MCM9: variants seen among roughly 807,000 people sequenced by gnomAD.
MCM9 encodes the protein DNA helicase MCM9.
MCM9 carries 55 observed loss-of-function variants against 72.8 expected under a neutral mutation model. The ratio of observed to expected loss-of-function variants is 0.76; its 90% CI spans 0.61 to 0.95. MCM9 has a LOEUF of 0.95. Ranked by LOEUF, MCM9 falls within the 40% of genes least tolerant of loss-of-function variation. The probability of loss-of-function intolerance (pLI) is 0.00; values close to 1 mark genes in which losing one functional copy is unlikely to be tolerated. For synonymous variants in MCM9, 480 were observed against 503.4 expected (o/e 0.95, Z 0.62); for missense variants, 1,279 against 1,377.0 (o/e 0.93, Z 1.13).
chr6:118,905,927 A>T lies in MCM9; in HGVS notation c.1150+5723T>A, dbSNP rs1000266195. The T allele has an allele frequency of 1.7e-5, 15 of 882,674 alleles. No homozygotes were observed. The South Asian group carries it at 3.0e-4, about 18-fold the overall frequency. The allele number at this position is 882,674 out of a possible 1,614,324, so 54.7% of individuals were successfully genotyped here. A position where few individuals can be genotyped will look rare whatever the true frequency, so the allele number is the denominator to read the frequency against. On this transcript the variant is annotated intron_variant, in intron 8 of 13. Transcript: ENST00000619706. ...AGTATACTATTAAAATGGCTTTGAG[A>T]TAAAATAAATATGAGGTCCTTATGC...
intron 9 of MCM9, among the ~76,000 whole-genome samples, chr6:118,840,155 T>C (rs1407732101): frequency 7.6e-6 from 1 of 132,356 alleles, no homozygotes; most frequent in Non-Finnish European, 1.6e-5. Context: ...CTGTAGATGG[T>C]AGATTTTTAT....
intron 8 of MCM9, among the ~76,000 whole-genome samples, chr6:118,876,369 T>G (rs1052587145): frequency 6.6e-6 from 1 of 152,190 alleles, no homozygotes; most frequent in African/African-American, 2.4e-5. Flanking sequence ...TGAATCCTAA[T>G]GTAAATAATA....
intron 8 of MCM9, among the ~76,000 whole-genome samples, chr6:118,896,705 C>T (rs1259938442): frequency 6.6e-6 from 1 of 152,084 alleles, no homozygotes; most frequent in African/African-American, 2.4e-5. Flanking sequence ...CAAAAAGGTG[C>T]CATGCCTGTA....
intron 8 of MCM9, chr6:118,893,918 G>C (rs1228345498): frequency 1.5e-6 from 1 of 668,208 alleles, no homozygotes; most frequent in Non-Finnish European, 1.8e-6. Context: ...GCCGGATCGC[G>C]CCCTCCCGCC....
intron 8 of MCM9, chr6:118,900,897 G>A (rs1562430473): frequency 1.5e-5 from 23 of 1,502,646 alleles, no homozygotes; most frequent in Non-Finnish European, 2.1e-5. Flanking sequence ...ATTAATCTTG[G>A]TAAATGTGTA....
Position 118,829,140 on chromosome 6 carries a change from A to G in MCM9, c.1436T>C (p.Leu479Pro). ...CAGGATCAGGTCAAATCGACTTAAG[A>G]GTGGGCTGCCGAGGGCAATGTTCAC... is the stretch of plus-strand genomic sequence containing the variant. ...VSVNIALGSP[L>P]LSRFDLILVL... The change falls in exon 10 of 14, where the codon CTC (leucine) becomes CCC (proline). Residue 479 changes from leucine to proline, a missense_variant. By Grantham distance (98) the Leu-to-Pro change is moderately conservative (BLOSUM62 -3). Transcript: ENST00000619706. 2 of 1,550,590 alleles carry G rather than the reference A, an allele frequency of 1.3e-6. No individual in the cohort carries two copies. The highest frequency in any genetic ancestry group is 8.7e-7 in the Non-Finnish European group (1 of 1,147,008).
chr6:118,931,790 C>T (rs957697813), intron 2 of MCM9, 52 bp from the exon 3 acceptor site: 3 of 1,349,210 alleles, frequency 2.2e-6, no homozygotes, highest in East Asian at 2.5e-5. Flanking sequence ...AAGATGTACA[C>T]ACAATTTAAC....
intron 8 of MCM9, chr6:118,908,867 A>G (rs1470003191): frequency 6.6e-6 from 1 of 152,594 alleles, no homozygotes; most frequent in East Asian, 1.9e-4. Flanking sequence ...TTTATACTGC[A>G]CTTTTTAAAG....
chr6:118,864,756 A>G (rs1263327583), intron 8 of MCM9, among the ~76,000 whole-genome samples: 1 of 152,204 alleles, frequency 6.6e-6, no homozygotes, highest in African/African-American at 2.4e-5. Flanking sequence ...CTCTGAGAAC[A>G]AAGAGGATTA....
At chr6:118,912,513 C>T (rs1213499609) in intron 7 of MCM9, 1 of 152,032 alleles carries the variant, frequency 6.6e-6, no homozygotes, top group Admixed American at 6.6e-5. Context: ...AATAGGAAAC[C>T]CCTATTTAAG....
At chr6:118,907,700 C>T in intron 8 of MCM9, 2 of 1,020,098 alleles carry the variant, frequency 2.0e-6, no homozygotes, top group South Asian at 1.7e-5. Flanking sequence ...ATAGTCAAAA[C>T]ACAATGTGAA....
intron 8 of MCM9, among the ~76,000 whole-genome samples, chr6:118,880,777 A>C (rs1778236781): frequency 6.6e-6 from 1 of 152,212 alleles, no homozygotes; most frequent in Non-Finnish European, 1.5e-5. Context: ...CAAAGGGATG[A>C]GTACCAATTC....
chr6:118,827,475 A>G (rs1404577979), intron 11 of MCM9, among the ~76,000 whole-genome samples: 1 of 152,204 alleles, frequency 6.6e-6, no homozygotes. Context: ...CTATATGTAT[A>G]TATGTAATGG....
intron 8 of MCM9, among the ~76,000 whole-genome samples, chr6:118,873,922 T>C (rs1371496484): frequency 6.6e-6 from 1 of 152,164 alleles, no homozygotes; most frequent in Non-Finnish European, 1.5e-5. Context: ...TTGTACACCA[T>C]GAACAAGTGT....
chr6:118,866,981 T>C (rs541996393), intron 8 of MCM9, among the ~76,000 whole-genome samples: 1 of 152,182 alleles, frequency 6.6e-6, no homozygotes, highest in Admixed American at 6.5e-5. Flanking sequence ...TCAGTGGATT[T>C]CTCAAGAGCA....
At chr6:118,923,425 T>C (rs1781600801) in intron 4 of MCM9, among the ~76,000 whole-genome samples, 1 of 152,140 alleles carries the variant, frequency 6.6e-6, no homozygotes, top group African/African-American at 2.4e-5. Flanking sequence ...GCTGCGATTA[T>C]AAGCACAAGC....
intron 4 of MCM9, among the ~76,000 whole-genome samples, chr6:118,923,108 C>G (rs1218430757): frequency 6.7e-6 from 1 of 149,162 alleles, no homozygotes; most frequent in African/African-American, 2.5e-5. Flanking sequence ...CAACAGTGAA[C>G]TAGCCTTGAA....
chr6:118,932,819 T>C (rs1782548286), intron 1 of MCM9, 79 bp from the exon 2 acceptor site: 1 of 153,862 alleles, frequency 6.5e-6, no homozygotes, highest in African/African-American at 2.4e-5. Flanking sequence ...AAAAGTATTA[T>C]TGAAAATAAA....
chr6:118,903,779 G>A (rs969693904), intron 8 of MCM9, among the ~76,000 whole-genome samples: 1 of 152,186 alleles, frequency 6.6e-6, no homozygotes, highest in Non-Finnish European at 1.5e-5. Flanking sequence ...TAGAGATGGG[G>A]TTTCGCCATG....
Sources: allele counts gnomAD v4.1 joint callset (sites outside exome capture counted in the v4.1 genomes callset), GRCh38; gene constraint gnomAD v4.1.1; transcripts MANE v1.5; gene names NCBI Gene and HGNC (gene_info 2026-07-23, HGNC 2026-07-21).